The following SHISA6 variants were observed in gnomAD, a reference collection of about 807,000 sequenced individuals.
SHISA6 encodes the protein protein shisa-6.
A neutral mutation model predicts 47.9 loss-of-function variants in SHISA6; 22 were observed. The ratio of observed to expected loss-of-function variants is 0.46; its 90% CI spans 0.33 to 0.66. The LOEUF (loss-of-function observed/expected upper bound fraction) is 0.66, where lower values mean the gene tolerates loss of function less well. Among genes scored for constraint, SHISA6 ranks in the 30% least tolerant of loss-of-function variants. SHISA6 has a pLI of 0.02. For missense variants in SHISA6, 680 were observed against 764.6 expected (o/e 0.89, Z 1.30); for synonymous variants, 388 against 337.8 (o/e 1.15, Z -1.63).
rs142144086 is a variant in SHISA6, at chr17:11,525,814, G to A, written c.896-26082G>A. On this transcript the variant is annotated intron_variant, in intron 3 of 5. Coordinates refer to ENST00000441885, the MANE Select transcript of SHISA6 (RefSeq NM_207386.4). ...GCTCAAGGGTTTGAGACTAGCCTGG[G>A]CAACATGGCAAAAACCCATCTCTAC... Among the ~76,000 whole-genome samples the A allele has an allele frequency of 1.8e-4, 27 of 151,870 alleles. No individual in the cohort carries two copies. The South Asian group carries it at 4.2e-3, about 23-fold the overall frequency.
chr17:11,352,887 C>A lies in SHISA6; in HGVS notation c.800-26527C>A, dbSNP rs138912735. On this transcript the variant is annotated intron_variant, in intron 2 of 5. Coordinates refer to ENST00000441885, the MANE Select transcript of SHISA6 (RefSeq NM_207386.4). ...CAATACTAACTATTTGGGGGAGAAA[C>A]AAATTCCATATATTTGCATTCTTCT... is the stretch of plus-strand genomic sequence containing the variant. 1.5e-3 allele frequency among the ~76,000 whole-genome samples: 224 copies of A among 152,290 alleles called. 1 individual carries two copies. Among genetic ancestry groups the A allele is most frequent in the African/African-American group, 5.0e-3 (207 of 41,554 alleles).
intron 2 of SHISA6, among the ~76,000 whole-genome samples, chr17:11,333,295 G>A (rs1335636121): frequency 1.3e-5 from 2 of 152,060 alleles, no homozygotes; most frequent in South Asian, 2.1e-4. Context: ...TTCCTGACAC[G>A]GAACTCCTAA....
At chr17:11,556,257 G>T (rs2071978636) in intron 5 of SHISA6, among the ~76,000 whole-genome samples, 1 of 152,094 alleles carries the variant, frequency 6.6e-6, no homozygotes, top group Non-Finnish European at 1.5e-5. Flanking sequence ...ATAGAGGCTA[G>T]CAATGGCCAG....
chr17:11,524,623 A>G (rs911613645), intron 3 of SHISA6, among the ~76,000 whole-genome samples: 2 of 151,620 alleles, frequency 1.3e-5, no homozygotes, highest in African/African-American at 4.9e-5. Context: ...CAGCCTCCCG[A>G]GGAGCTGGGA....
At chr17:11,441,287 G>T (rs921224421) in intron 3 of SHISA6, among the ~76,000 whole-genome samples, 2 of 152,194 alleles carry the variant, frequency 1.3e-5, no homozygotes, top group African/African-American at 2.4e-5. Context: ...CAATGGGAAG[G>T]TTTGAAAATA....
At chr17:11,424,710 TA>T (rs35988214) in intron 3 of SHISA6, among the ~76,000 whole-genome samples, 33,077 of 150,722 alleles carry the variant, frequency 0.22, 3,846 homozygotes, top group South Asian at 0.38. Context: ...TTTTTTAAAA[TA>T]AAAAAAAACA....
At chr17:11,272,870 T>A (rs976280516) in intron 2 of SHISA6, among the ~76,000 whole-genome samples, 1 of 152,196 alleles carries the variant, frequency 6.6e-6, no homozygotes, top group Non-Finnish European at 1.5e-5. Context: ...GTCTTTAGAC[T>A]GCTTTGAAAC....
At chr17:11,362,695 C>T (rs1045496842) in intron 2 of SHISA6, among the ~76,000 whole-genome samples, 4 of 152,140 alleles carry the variant, frequency 2.6e-5, no homozygotes, top group African/African-American at 9.7e-5. Flanking sequence ...ATTAATACAT[C>T]TTATGTAAGA....
At chr17:11,539,140 C>A (rs1271221800) in intron 3 of SHISA6, among the ~76,000 whole-genome samples, 3 of 152,132 alleles carry the variant, frequency 2.0e-5, no homozygotes, top group Non-Finnish European at 4.4e-5. Context: ...CGGGGTTTCA[C>A]CATGTTGGCC....
chr17:11,477,584 A>C (rs1916085728), intron 3 of SHISA6, among the ~76,000 whole-genome samples: 1 of 94,878 alleles, frequency 1.1e-5, no homozygotes. Context: ...CCCACCCCAC[A>C]GCAGTCCCCA....
At chr17:11,344,262 G>A (rs569269015) in intron 2 of SHISA6, among the ~76,000 whole-genome samples, 30 of 152,056 alleles carry the variant, frequency 2.0e-4, no homozygotes, top group African/African-American at 6.0e-4. Context: ...ATTTTCCTTC[G>A]TTCTGTAAGT....
chr17:11,464,726 G>A (rs540663586), intron 3 of SHISA6, among the ~76,000 whole-genome samples: 54 of 152,192 alleles, frequency 3.5e-4, no homozygotes, highest in Admixed American at 3.4e-3. Context: ...GTGGATCACC[G>A]GAGGCCAGGA....
intron 3 of SHISA6, among the ~76,000 whole-genome samples, chr17:11,548,405 C>CA: frequency 6.7e-6 from 1 of 150,264 alleles, no homozygotes; most frequent in Middle Eastern, 3.4e-3. Flanking sequence ...AGGGTTAGCA[C>CA]AAAAAATACA....
intron 3 of SHISA6, among the ~76,000 whole-genome samples, chr17:11,439,635 A>C (rs1915046206): frequency 6.6e-6 from 1 of 152,218 alleles, no homozygotes; most frequent in Admixed American, 6.5e-5. Context: ...AATGCCATCT[A>C]CAAGACGGAG....
At chr17:11,535,823 A>G (rs1399082906) in intron 3 of SHISA6, among the ~76,000 whole-genome samples, 1 of 152,186 alleles carries the variant, frequency 6.6e-6, no homozygotes, top group Admixed American at 6.5e-5. Flanking sequence ...GTTCAATGGC[A>G]TGATATTTCC....
chr17:11,410,616 A>T (rs928807115), intron 3 of SHISA6, among the ~76,000 whole-genome samples: 1 of 121,886 alleles, frequency 8.2e-6, no homozygotes, highest in Non-Finnish European at 1.8e-5. Context: ...TGATAGTGTC[A>T]CTATGGATAT....
chr17:11,362,536 G>A (rs1009991330), intron 2 of SHISA6, among the ~76,000 whole-genome samples: 1 of 152,182 alleles, frequency 6.6e-6, no homozygotes, highest in African/African-American at 2.4e-5. Flanking sequence ...GATTTCTAAT[G>A]GCAGCCCGAT....
intron 3 of SHISA6, chr17:11,380,427 G>A (rs571068675): frequency 4.8e-4 from 73 of 152,254 alleles, no homozygotes; most frequent in African/African-American, 1.8e-3. Context: ...TTTCTGTTGT[G>A]TCTATTTGTG....
At chr17:11,555,604 T>C in intron 4 of SHISA6, 136 bp from the exon 5 acceptor site, 1 of 1,009,810 alleles carries the variant, frequency 9.9e-7, no homozygotes, top group Non-Finnish European at 1.4e-6. Flanking sequence ...GGAAACTGAG[T>C]CAATAGTATC....
Sources: allele counts gnomAD v4.1 joint callset (sites outside exome capture counted in the v4.1 genomes callset), GRCh38; gene constraint gnomAD v4.1.1; transcripts MANE v1.5; gene names NCBI Gene and HGNC (gene_info 2026-07-23, HGNC 2026-07-21).